The following CPNE4 variants were observed in gnomAD, a reference collection of about 807,000 sequenced individuals.
The protein encoded by CPNE4 is copine 4.
Under a neutral mutation model 67.9 loss-of-function variants are expected in CPNE4, and 25 were observed. The observed-to-expected ratio is 0.37, with a 90% confidence interval of 0.27 to 0.51. CPNE4 has a LOEUF of 0.51. Among genes scored for constraint, CPNE4 ranks in the 20% least tolerant of loss-of-function variants. The pLI is 0.93. For missense variants in CPNE4, 464 were observed against 690.8 expected (o/e 0.67, Z 3.68); for synonymous variants, 242 against 244.9 (o/e 0.99, Z 0.11).
chr3:131,960,690 T>G (rs1210615958), intron 1 of CPNE4, among the ~76,000 whole-genome samples: 1 of 152,218 alleles, frequency 6.6e-6, no homozygotes, highest in Non-Finnish European at 1.5e-5. Context: ...AGAACCTCAC[T>G]GATGCCAGCT....
intron 2 of CPNE4, among the ~76,000 whole-genome samples, chr3:131,790,902 T>G (rs933225600): frequency 3.9e-5 from 6 of 152,176 alleles, no homozygotes; most frequent in African/African-American, 1.2e-4. Context: ...CAATACAATT[T>G]TATGCTTTAA....
intron 8 of CPNE4, among the ~76,000 whole-genome samples, 158 bp downstream of exon 8, chr3:131,587,326 C>A (rs1442379158): frequency 6.6e-6 from 1 of 152,170 alleles, no homozygotes; most frequent in Non-Finnish European, 1.5e-5. Flanking sequence ...TTGGGTTGGG[C>A]TAGTTCTAGA....
chr3:132,028,922 T>C (rs2074177376), intron 1 of CPNE4, among the ~76,000 whole-genome samples: 1 of 141,102 alleles, frequency 7.1e-6, no homozygotes, highest in Non-Finnish European at 1.6e-5. Context: ...TTCTTAATTT[T>C]TCTTTTTTTT....
chr3:131,799,917 TGTTGTG>T (rs1205153429), intron 2 of CPNE4, among the ~76,000 whole-genome samples: 15 of 55,668 alleles, frequency 2.7e-4, no homozygotes, highest in Non-Finnish European at 5.0e-4. Context: ...TGTGTGTGTG[TGTTGTG>T]TGTGTGTGTG....
intron 1 of CPNE4, among the ~76,000 whole-genome samples, chr3:131,935,938 A>T (rs925863994): frequency 6.6e-6 from 1 of 151,938 alleles, no homozygotes; most frequent in Non-Finnish European, 1.5e-5. Context: ...ATTCTCCTTT[A>T]AGCATTAAGA....
At chr3:131,752,628 T>G (rs1229906707) in intron 2 of CPNE4, among the ~76,000 whole-genome samples, 1 of 152,140 alleles carries the variant, frequency 6.6e-6, no homozygotes, top group Non-Finnish European at 1.5e-5. Context: ...TTTTGCCATA[T>G]TTAGTGAGAT....
chr3:131,608,632 C>T (rs1939645765), intron 7 of CPNE4, among the ~76,000 whole-genome samples: 1 of 151,976 alleles, frequency 6.6e-6, no homozygotes, highest in African/African-American at 2.4e-5. Context: ...GGAAAGGATA[C>T]TCTAGGAGGT....
intron 1 of CPNE4, among the ~76,000 whole-genome samples, chr3:131,946,550 G>T (rs1007905887): frequency 6.6e-6 from 1 of 152,090 alleles, no homozygotes; most frequent in Non-Finnish European, 1.5e-5. Context: ...ATTCTTTGAA[G>T]AAATGTCTAT....
chr3:131,793,815 T>G (rs11926002), intron 2 of CPNE4, among the ~76,000 whole-genome samples: 1,749 of 152,302 alleles, frequency 0.011, 49 homozygotes, highest in African/African-American at 0.04. Context: ...TAAACCTTCA[T>G]GTCTGTATAC....
intron 1 of CPNE4, among the ~76,000 whole-genome samples, chr3:132,025,145 T>C (rs1295993743): frequency 1.3e-5 from 2 of 152,198 alleles, no homozygotes; most frequent in Non-Finnish European, 2.9e-5. Context: ...TTGAAGATAA[T>C]ATTTTATGCC....
rs538690228 is a variant in CPNE4, at chr3:131,760,415, A to G, written c.181-36790T>C. 3.4e-4 allele frequency among the ~76,000 whole-genome samples: 52 copies of G among 152,270 alleles called. 1 individual carries two copies. In the Middle Eastern group the frequency reaches 0.017, roughly 50 times the overall value. ...ATAACTATTGAATTGCAGATTTGGT[A>G]TTTGAATCTGACCTCTTCCTTAAAG... On this transcript the variant is annotated intron_variant, in intron 2 of 15. Transcript: ENST00000429747.
At chr3:131,555,635 A>G in intron 11 of CPNE4, 84 bp from the exon 12 acceptor site, 2 of 1,187,360 alleles carry the variant, frequency 1.7e-6, no homozygotes, top group Non-Finnish European at 2.5e-6. Flanking sequence ...AACCTACATT[A>G]CTAGGTTGCT....
intron 7 of CPNE4, among the ~76,000 whole-genome samples, chr3:131,611,154 G>A (rs1939816604): frequency 1.3e-5 from 2 of 152,088 alleles, no homozygotes; most frequent in South Asian, 4.1e-4. Flanking sequence ...CTATAACAGT[G>A]TGAATAATGT....
At chr3:131,713,568 A>G (rs1030581485) in intron 3 of CPNE4, among the ~76,000 whole-genome samples, 4 of 152,208 alleles carry the variant, frequency 2.6e-5, no homozygotes, top group African/African-American at 9.6e-5. Flanking sequence ...AGATGAATCA[A>G]TGCAAAATGT....
intron 1 of CPNE4, among the ~76,000 whole-genome samples, chr3:131,981,394 T>A (rs527903073): frequency 6.6e-6 from 1 of 152,114 alleles, no homozygotes; most frequent in African/African-American, 2.4e-5. Flanking sequence ...GGGGGTGAGA[T>A]TCCCAAGTCA....
chr3:131,640,254 G>A (rs1910259), intron 7 of CPNE4, among the ~76,000 whole-genome samples: 42,995 of 151,854 alleles, frequency 0.28, 9,326 homozygotes, highest in African/African-American at 0.61. Context: ...GTATACCTAG[G>A]AAACCCTATA....
rs149335635 is a variant in CPNE4 at position 131,770,629 on chromosome 3, T to C, written c.181-47004A>G. The stretch of plus-strand genomic sequence containing the variant: ...TAGAGGCCAGAGTGAAGGTCTGGGA[T>C]AGCTTAAGGAGGGCTGGGATCCTTC... On this transcript the variant is annotated intron_variant, in intron 2 of 15. Transcript: ENST00000429747. Among the ~76,000 whole-genome samples the C allele has an allele frequency of 5.9e-3, 897 of 152,336 alleles. 10 individuals are homozygous for C. The highest frequency in any genetic ancestry group is 0.02 in the African/African-American group (824 of 41,594).
intron 1 of CPNE4, among the ~76,000 whole-genome samples, chr3:132,003,250 A>G (rs1359488107): frequency 6.6e-6 from 1 of 152,120 alleles, no homozygotes; most frequent in Non-Finnish European, 1.5e-5. Context: ...CTGCCTCTTT[A>G]GCAAAACTAT....
chr3:131,743,248 G>T (rs2082398938), intron 2 of CPNE4, among the ~76,000 whole-genome samples: 3 of 152,094 alleles, frequency 2.0e-5, no homozygotes, highest in African/African-American at 7.2e-5. Flanking sequence ...AACTTAAATA[G>T]ACCAACTGTA....
Sources: gnomAD v4.1 joint callset for allele counts (sites outside exome capture counted in the v4.1 genomes callset) on GRCh38, gnomAD v4.1.1 for gene constraint, MANE v1.5 for transcripts, NCBI Gene and HGNC (gene_info 2026-07-23, HGNC 2026-07-21) for gene names.